AUTS2: variants seen among roughly 807,000 people sequenced by gnomAD.
AUTS2 encodes the protein autism susceptibility gene 2 protein.
Under a neutral mutation model 112.4 loss-of-function variants are expected in AUTS2, and 17 were observed. That is an observed-to-expected ratio of 0.15 (90% confidence interval 0.10 to 0.23). The LOEUF (loss-of-function observed/expected upper bound fraction) is 0.23. Ranked by LOEUF, AUTS2 falls within the 10% of genes least tolerant of loss-of-function variation. AUTS2 has a pLI of 1.00. For synonymous variants in AUTS2, 751 were observed against 702.7 expected (o/e 1.07, Z -1.09); for missense variants, 1,510 against 1,701.6 (o/e 0.89, Z 1.98).
At chr7:70,307,763 T>A (rs1201230689) in intron 4 of AUTS2, among the ~76,000 whole-genome samples, 1 of 152,162 alleles carries the variant, frequency 6.6e-6, no homozygotes, top group Non-Finnish European at 1.5e-5. Flanking sequence ...TAAAAGCAAT[T>A]TCAGATCTCT....
At chr7:69,805,157 T>C (rs1288011983) in intron 1 of AUTS2, among the ~76,000 whole-genome samples, 2 of 152,246 alleles carry the variant, frequency 1.3e-5, no homozygotes, top group Non-Finnish European at 2.9e-5. Context: ...CAATGCCTTG[T>C]TGACTTAAGT....
intron 4 of AUTS2, among the ~76,000 whole-genome samples, chr7:70,151,011 C>T (rs535728806): frequency 1.3e-5 from 2 of 152,308 alleles, no homozygotes; most frequent in East Asian, 3.9e-4. Context: ...AGTGTCCCAG[C>T]TTCCTGCCTT....
At chr7:70,705,775 A>T (rs146275112) in intron 6 of AUTS2, among the ~76,000 whole-genome samples, 65 of 152,332 alleles carry the variant, frequency 4.3e-4, no homozygotes, top group African/African-American at 1.3e-3. Context: ...AAAGCTGGGC[A>T]TAGGAGCTGG....
At chr7:69,984,711 T>A (rs955352994) in intron 2 of AUTS2, among the ~76,000 whole-genome samples, 2 of 152,190 alleles carry the variant, frequency 1.3e-5, no homozygotes, top group Admixed American at 6.5e-5. Flanking sequence ...GCAGTTTGCC[T>A]GAAAGTGCCA....
At chr7:70,730,744 A>G (rs1370863642) in intron 6 of AUTS2, among the ~76,000 whole-genome samples, 1 of 152,124 alleles carries the variant, frequency 6.6e-6, no homozygotes, top group Non-Finnish European at 1.5e-5. Flanking sequence ...TGTGGATGTA[A>G]GTTTTCATTT....
At chr7:69,638,247 C>T (rs1024461166) in intron 1 of AUTS2, among the ~76,000 whole-genome samples, 1 of 152,104 alleles carries the variant, frequency 6.6e-6, no homozygotes, top group Non-Finnish European at 1.5e-5. Context: ...AAACTCCTGG[C>T]CTCAATCAGT....
In AUTS2 at chr7:70,625,303, G is replaced by T. The variant is rs78586467; in HGVS notation, c.691-73266G>T. Reference sequence around the variant, plus strand: ...GCATATTCTTAGCAGTAAATAGCAGGAATGAATGAATGAGTGTGTATCCAA... The same window carrying T: ...GCATATTCTTAGCAGTAAATAGCAGTAATGAATGAATGAGTGTGTATCCAA... On this transcript the variant is annotated intron_variant, in intron 5 of 18. Coordinates refer to ENST00000342771, the MANE Select transcript of AUTS2 (RefSeq NM_015570.4). Among the ~76,000 whole-genome samples the T allele has an allele frequency of 9.2e-5, 14 of 152,260 alleles. 1 individual carries two copies. The East Asian group carries it at 2.7e-3, about 29-fold the overall frequency.
At chr7:70,535,231 A>C (rs1176929810) in intron 5 of AUTS2, among the ~76,000 whole-genome samples, 1 of 152,244 alleles carries the variant, frequency 6.6e-6, no homozygotes, top group East Asian at 1.9e-4. Context: ...AAGTGAATTA[A>C]TGAATGAAAG....
chr7:70,600,475 C>T (rs1419446767), intron 5 of AUTS2, among the ~76,000 whole-genome samples: 1 of 152,104 alleles, frequency 6.6e-6, no homozygotes, highest in Non-Finnish European at 1.5e-5. Flanking sequence ...GGGGTTTTGC[C>T]ATGTTGGCCA....
intron 5 of AUTS2, among the ~76,000 whole-genome samples, chr7:70,698,266 C>T (rs1248776370): frequency 6.6e-6 from 1 of 152,134 alleles, no homozygotes; most frequent in Admixed American, 6.5e-5. Context: ...ATTGCAAAAT[C>T]ATTATGTGAA....
intron 1 of AUTS2, among the ~76,000 whole-genome samples, chr7:69,882,148 C>T (rs1373402309): frequency 1.4e-4 from 12 of 84,006 alleles, no homozygotes; most frequent in African/African-American, 6.3e-4. Flanking sequence ...GAAACTCTGT[C>T]TCAAAAAAAA....
chr7:70,661,462 G>C (rs887088785), intron 5 of AUTS2, among the ~76,000 whole-genome samples: 3 of 152,218 alleles, frequency 2.0e-5, no homozygotes, highest in Admixed American at 1.3e-4. Context: ...GGGTGGCAGT[G>C]TGAGGACATC....
intron 4 of AUTS2, among the ~76,000 whole-genome samples, chr7:70,197,150 C>T (rs1810218116): frequency 6.6e-6 from 1 of 152,106 alleles, no homozygotes; most frequent in African/African-American, 2.4e-5. Flanking sequence ...ATTTCTGTAT[C>T]TGCCACCTTG....
chr7:69,862,609 T>A (rs1328514728), intron 1 of AUTS2, among the ~76,000 whole-genome samples: 1 of 152,200 alleles, frequency 6.6e-6, no homozygotes, highest in Non-Finnish European at 1.5e-5. Context: ...TTAATCCAGT[T>A]ACTTAGGATG....
intron 1 of AUTS2, among the ~76,000 whole-genome samples, chr7:69,840,089 T>C (rs945017466): frequency 2.0e-5 from 3 of 152,174 alleles, no homozygotes; most frequent in Non-Finnish European, 4.4e-5. Context: ...TTTACTTCAC[T>C]AACTTTTTCC....
At chr7:70,548,515 T>C (rs963270128) in intron 5 of AUTS2, among the ~76,000 whole-genome samples, 2 of 152,182 alleles carry the variant, frequency 1.3e-5, no homozygotes, top group Admixed American at 6.5e-5. Flanking sequence ...AGAGACTTTC[T>C]TCTAAGAAGT....
intron 2 of AUTS2, among the ~76,000 whole-genome samples, chr7:70,079,691 C>A (rs773039962): frequency 1.3e-5 from 2 of 151,982 alleles, no homozygotes; most frequent in Admixed American, 6.6e-5. Flanking sequence ...GCCTCTTTTC[C>A]TAACTCTGTA....
At chr7:69,820,033 T>C (rs1327961210) in intron 1 of AUTS2, among the ~76,000 whole-genome samples, 1 of 152,222 alleles carries the variant, frequency 6.6e-6, no homozygotes, top group East Asian at 1.9e-4. Flanking sequence ...ATGAGGTTAA[T>C]TGCTGCTGCA....
chr7:70,271,896 C>G (rs567707763), intron 4 of AUTS2, among the ~76,000 whole-genome samples: 1 of 152,226 alleles, frequency 6.6e-6, no homozygotes, highest in East Asian at 1.9e-4. Flanking sequence ...AGTTAGACTC[C>G]CCAGGTTCAA....
Sources: allele counts gnomAD v4.1 joint callset (sites outside exome capture counted in the v4.1 genomes callset), GRCh38; gene constraint gnomAD v4.1.1; transcripts MANE v1.5; gene names NCBI Gene and HGNC (gene_info 2026-07-23, HGNC 2026-07-21).